NOL10: variants seen among roughly 807,000 people sequenced by gnomAD.
The protein encoded by NOL10 is H_NH0074G24.1.
Under a neutral mutation model 103.5 loss-of-function variants are expected in NOL10, and 58 were observed. That is an observed-to-expected ratio of 0.56 (90% confidence interval 0.45 to 0.70). NOL10 has a LOEUF of 0.70. Ranked by LOEUF, NOL10 falls within the 30% of genes least tolerant of loss-of-function variation. NOL10 has a pLI of 0.00. For synonymous variants in NOL10, 287 were observed against 282.5 expected (o/e 1.02, Z -0.16); for missense variants, 763 against 807.3 (o/e 0.95, Z 0.67).
intron 13 of NOL10, among the ~76,000 whole-genome samples, chr2:10,634,934 A>T (rs1678101453): frequency 2.0e-5 from 3 of 152,214 alleles, no homozygotes; most frequent in Admixed American, 1.3e-4. Context: ...GGAGAAAGGG[A>T]GGATGACTGT....
chr2:10,677,340 T>C (rs1217944697), intron 3 of NOL10, among the ~76,000 whole-genome samples: 4 of 152,178 alleles, frequency 2.6e-5, no homozygotes, highest in East Asian at 1.9e-4. Flanking sequence ...TTTTATGTTA[T>C]GTATTTCCAA....
chr2:10,587,267 A>ATT, intron 19 of NOL10, among the ~76,000 whole-genome samples: 1 of 23,220 alleles, frequency 4.3e-5, no homozygotes, highest in African/African-American at 1.7e-4. Context: ...ACACATATAT[A>ATT]TATATATATT....
chr2:10,617,234 T>A (rs1447841935), intron 13 of NOL10, among the ~76,000 whole-genome samples: 1 of 151,842 alleles, frequency 6.6e-6, no homozygotes, highest in Non-Finnish European at 1.5e-5. Flanking sequence ...GGCCTAGAGG[T>A]TGGAATTGCT....
intron 13 of NOL10, among the ~76,000 whole-genome samples, chr2:10,631,637 G>A (rs746261398): frequency 7.2e-5 from 11 of 151,924 alleles, no homozygotes; most frequent in Non-Finnish European, 1.2e-4. Flanking sequence ...TGACAAGAAG[G>A]CACTGTCAGA....
At chr2:10,671,466 C>T in intron 6 of NOL10, 88 bp downstream of exon 6, 2 of 1,078,828 alleles carry the variant, frequency 1.9e-6, no homozygotes, top group South Asian at 3.0e-5. Flanking sequence ...AGCAAGTTAC[C>T]TAAACAGAGA....
At chr2:10,666,439 CT>C (rs1680571708) in intron 8 of NOL10, among the ~76,000 whole-genome samples, 2 of 152,166 alleles carry the variant, frequency 1.3e-5, no homozygotes, top group South Asian at 4.1e-4. Flanking sequence ...CTCCGCCCCC[CT>C]GCCTCAGCCT....
chr2:10,577,249 GCC>G (rs1674500818), intron 20 of NOL10, among the ~76,000 whole-genome samples: 1 of 152,202 alleles, frequency 6.6e-6, no homozygotes, highest in African/African-American at 2.4e-5. Flanking sequence ...ATGCGAGGTA[GCC>G]CTACATCCTC....
intron 13 of NOL10, among the ~76,000 whole-genome samples, chr2:10,632,616 C>T (rs1223711582): frequency 1.3e-5 from 2 of 152,152 alleles, no homozygotes; most frequent in East Asian, 3.8e-4. Context: ...CAGTTTATAC[C>T]TTTGGAAAAG....
chr2:10,607,132 A>T lies in NOL10; in HGVS notation c.1153+53T>A, dbSNP rs1192616121. 3.8e-6 allele frequency: 5 copies of T among 1,314,168 alleles called. No homozygotes were observed. In the Admixed American group the frequency reaches 1.0e-4, roughly 27 times the overall value. The allele number at this position is 1,314,168 out of a possible 1,614,324, so 81.4% of individuals were successfully genotyped here. A position where few individuals can be genotyped will look rare whatever the true frequency, so the allele number is the denominator to read the frequency against. ...CAATTCTCATGTTCAAAACTCAAAA[A>T]AAAAGTAGAAATAAAGTAATTACAT... On this transcript the variant is annotated intron_variant, in intron 14 of 20. Transcript: ENST00000381685.
rs1180335855 is a variant in NOL10 at position 10,684,224 on chromosome 2, C to T, written c.112+343G>A. On this transcript the variant is annotated intron_variant, in intron 2 of 20. Transcript: ENST00000381685. ...CCAGGAGGTGGAGGTTGCAGTGAGC[C>T]GAGGTCACACCATTGCACTCCAGCC... is the stretch of plus-strand genomic sequence containing the variant. Among the ~76,000 whole-genome samples the T allele has an allele frequency of 2.0e-5, 3 of 150,544 alleles. No individual in the cohort carries two copies. The Admixed American group carries it at 2.0e-4, about 10-fold the overall frequency.
chr2:10,619,140 G>C (rs997076440), intron 13 of NOL10, among the ~76,000 whole-genome samples: 2 of 152,032 alleles, frequency 1.3e-5, no homozygotes, highest in African/African-American at 2.4e-5. Flanking sequence ...TATGTATGTA[G>C]GTATGTATGT....
chr2:10,654,707 A>C (rs1274530189), intron 11 of NOL10, among the ~76,000 whole-genome samples, 160 bp from the exon 12 acceptor site: 1 of 152,218 alleles, frequency 6.6e-6, no homozygotes, highest in Non-Finnish European at 1.5e-5. Context: ...TAGAGAATTT[A>C]TCTTATCAAT....
At chr2:10,579,583 AT>A (rs55932619) in intron 19 of NOL10, among the ~76,000 whole-genome samples, 50,550 of 149,088 alleles carry the variant, frequency 0.34, 9,007 homozygotes, top group Non-Finnish European at 0.4. Flanking sequence ...TTTCCGAACA[AT>A]TCAAAAGTGA....
chr2:10,675,067 G>C (rs1681210995), intron 4 of NOL10, among the ~76,000 whole-genome samples: 1 of 152,050 alleles, frequency 6.6e-6, no homozygotes, highest in Admixed American at 6.6e-5. Flanking sequence ...GTGGGGCATG[G>C]TGGTTCACAT....
In NOL10 at chr2:10,644,320, T is replaced by C. The variant is rs970856239; in HGVS notation, c.1026A>G (p.Pro342=). Residue 342 remains proline, a splice_region_variant and synonymous_variant, in exon 13 of 21, where the codon CCA becomes CCG. Transcript: ENST00000381685. ...ETPKMGIYYI[P]VLGPAPRWCS... The stretch of plus-strand genomic sequence containing the variant: ...TGAAACTCCTCTTTGTATTACTTAC[T>C]GGAATGTAATAGATGCCCATCTTGG... 16 of 1,521,084 alleles carry C rather than the reference T, an allele frequency of 1.1e-5. No homozygotes were observed. Among genetic ancestry groups the C allele is most frequent in the African/African-American group, 2.8e-5 (2 of 71,152 alleles). The allele number at this position is 1,521,084 out of a possible 1,614,324, so 94.2% of individuals were successfully genotyped here.
At chr2:10,686,003 G>A (rs1043505202) in intron 1 of NOL10, among the ~76,000 whole-genome samples, 1 of 137,342 alleles carries the variant, frequency 7.3e-6, no homozygotes, top group Admixed American at 7.4e-5. Flanking sequence ...TCAAGGCTGA[G>A]GTGAGCCATG....
intron 13 of NOL10, among the ~76,000 whole-genome samples, chr2:10,618,244 T>TAAAA (rs140578202): frequency 2.5e-4 from 28 of 111,214 alleles, no homozygotes; most frequent in African/African-American, 1.2e-3. Flanking sequence ...AGCTGTTTTT[T>TAAAA]TAAAAAAAAA....
rs769755289 is a variant in NOL10 at position 10,635,955 on chromosome 2, G to A, written c.1026+8365C>T. Among the ~76,000 whole-genome samples the A allele has an allele frequency of 4.6e-5, 7 of 152,116 alleles. No individual in the cohort carries two copies. The East Asian group carries it at 7.7e-4, about 17-fold the overall frequency. On this transcript the variant is annotated intron_variant, in intron 13 of 20. Transcript: ENST00000381685. The stretch of plus-strand genomic sequence containing the variant: ...GGCTGGAGTGCGGTAGCACGACCTC[G>A]GCTCACCGTAACCTCTGTCTGCCAG...
At chr2:10,616,251 CAG>C (rs1362745196) in intron 13 of NOL10, among the ~76,000 whole-genome samples, 4 of 111,606 alleles carry the variant, frequency 3.6e-5, no homozygotes, top group African/African-American at 1.4e-4. Flanking sequence ...TTTTTTGAGG[CAG>C]AGTCTTGCTC....
Sources: allele counts gnomAD v4.1 joint callset (sites outside exome capture counted in the v4.1 genomes callset), GRCh38; gene constraint gnomAD v4.1.1; transcripts MANE v1.5; gene names NCBI Gene and HGNC (gene_info 2026-07-23, HGNC 2026-07-21).